Variants in KALRN observed in about 807,000 individuals in gnomAD.
KALRN encodes the protein kalirin RhoGEF kinase, also known as kalirin.
A neutral mutation model predicts 353.7 loss-of-function variants in KALRN; 70 were observed. The observed-to-expected ratio is 0.20, with a 90% CI of 0.16 to 0.24. The LOEUF (loss-of-function observed/expected upper bound fraction) is 0.24. KALRN is among the 10% of genes least tolerant of loss of function. The probability of loss-of-function intolerance (pLI) is 1.00; values close to 1 mark genes in which losing one functional copy is unlikely to be tolerated. For missense variants in KALRN, 2,791 were observed against 3,756.7 expected, an observed-to-expected ratio of 0.74 and a Z score of 6.72; for synonymous variants, 1,391 against 1,434.8, an observed-to-expected ratio of 0.97 and a Z score of 0.69.
At chr3:124,502,607 C>T (rs2064725606) in intron 33 of KALRN, among the ~76,000 whole-genome samples, 1 of 152,206 alleles carries the variant, frequency 6.6e-6, no homozygotes, top group African/African-American at 2.4e-5. Context: ...ACCTCCATCT[C>T]CTCATCTGTG....
At chr3:124,196,139 G>A (rs1469385880) in intron 1 of KALRN, among the ~76,000 whole-genome samples, 1 of 152,166 alleles carries the variant, frequency 6.6e-6, no homozygotes, top group African/African-American at 2.4e-5. Flanking sequence ...TCTGATTATT[G>A]TGGCCAAAGC....
intron 1 of KALRN, among the ~76,000 whole-genome samples, chr3:124,049,943 G>A (rs2040868375): frequency 6.6e-6 from 1 of 152,108 alleles, no homozygotes; most frequent in South Asian, 2.1e-4. Context: ...CTTTTTTCTG[G>A]ATTAATCTCT....
chr3:124,124,735 C>T (rs149898476), intron 1 of KALRN, among the ~76,000 whole-genome samples: 306 of 152,274 alleles, frequency 2.0e-3, no homozygotes, highest in African/African-American at 6.3e-3. Flanking sequence ...GACCCTCCAC[C>T]GGTAAAAAGA....
At chr3:124,230,166 T>G (rs2078990025) in intron 2 of KALRN, among the ~76,000 whole-genome samples, 1 of 152,176 alleles carries the variant, frequency 6.6e-6, no homozygotes, top group Admixed American at 6.5e-5. Flanking sequence ...GAGCCCAATC[T>G]TATCTTTTCT....
rs1266903697 is a variant in KALRN, at chr3:124,334,206, C to T, written c.1417-59C>T. ...ACCCTCAGGCAGACACTTCCTGCTT[C>T]TCTCTGTGCCCTGCCTATCACCCTT... On this transcript the variant is annotated intron_variant, in intron 8 of 59. Transcript: ENST00000682506. The surrounding 1 kb of genome is among the most constrained non-coding windows in gnomAD (Gnocchi z 4.2). 7.0e-6 allele frequency: 10 copies of T among 1,427,772 alleles called. No homozygotes were observed. Among genetic ancestry groups the T allele is most frequent in the Non-Finnish European group, 9.9e-6 (10 of 1,013,330 alleles). 88.4% of individuals were successfully genotyped at this position (1,427,772 alleles called of 1,614,324 possible).
intron 51 of KALRN, among the ~76,000 whole-genome samples, chr3:124,683,874 G>T (rs1211190616): frequency 6.6e-6 from 1 of 152,190 alleles, no homozygotes; most frequent in East Asian, 1.9e-4. Flanking sequence ...TTCCCCATTG[G>T]AGTAAGAATC....
intron 1 of KALRN, among the ~76,000 whole-genome samples, chr3:124,046,132 T>A (rs2040455808): frequency 6.6e-6 from 1 of 152,196 alleles, no homozygotes; most frequent in African/African-American, 2.4e-5. Context: ...AATTCAAAAA[T>A]TTTAAAAGGT....
At chr3:124,507,050 T>A (rs1043668532) in intron 33 of KALRN, among the ~76,000 whole-genome samples, 1 of 152,182 alleles carries the variant, frequency 6.6e-6, no homozygotes, top group African/African-American at 2.4e-5. Context: ...AGCCTGAATA[T>A]GCCCAATTTT....
chr3:124,554,145 C>T (rs1264468692), intron 33 of KALRN, among the ~76,000 whole-genome samples: 1 of 152,202 alleles, frequency 6.6e-6, no homozygotes, highest in African/African-American at 2.4e-5. Context: ...CACTTCAGCC[C>T]AGGAGTTCGA....
chr3:124,380,847 A>G (rs1224461774), intron 10 of KALRN, among the ~76,000 whole-genome samples: 1 of 152,250 alleles, frequency 6.6e-6, no homozygotes, highest in Admixed American at 6.5e-5. Context: ...AAAATTGAAC[A>G]TTGAACATGA....
chr3:124,389,296 A>G (rs917877620), intron 11 of KALRN, among the ~76,000 whole-genome samples: 3 of 152,194 alleles, frequency 2.0e-5, no homozygotes, highest in Admixed American at 2.0e-4. Flanking sequence ...ATCCACCTTT[A>G]TAAATGATTT....
chr3:124,445,939 C>G (rs898162894), intron 19 of KALRN, among the ~76,000 whole-genome samples: 2 of 152,246 alleles, frequency 1.3e-5, no homozygotes, highest in Non-Finnish European at 2.9e-5. Context: ...TGATGGAACT[C>G]TCATCAATGG....
At chr3:124,131,473 A>G (rs2065268643) in intron 1 of KALRN, among the ~76,000 whole-genome samples, 1 of 152,222 alleles carries the variant, frequency 6.6e-6, no homozygotes. Flanking sequence ...AAAACATTAA[A>G]AGGGCCACCC....
chr3:124,175,738 A>G lies in KALRN; in HGVS notation c.74-52252A>G, dbSNP rs767268824. Among the ~76,000 whole-genome samples the G allele has an allele frequency of 2.6e-5, 4 of 152,344 alleles. No homozygotes were observed. In the Middle Eastern group the frequency reaches 0.014, roughly 518 times the overall value. On this transcript the variant is annotated intron_variant, in intron 1 of 59. Coordinates refer to ENST00000682506, the MANE Select transcript of KALRN (RefSeq NM_001388419.1). ...CAGGATGTGGAAGTGTGTACAGCCA[A>G]GTGTCCAGGCCTGTTCTCCAGGCCC...
At chr3:124,147,705 G>A (rs59914802) in intron 1 of KALRN, among the ~76,000 whole-genome samples, 1,678 of 152,212 alleles carry the variant, frequency 0.011, 35 homozygotes, top group African/African-American at 0.038. Context: ...CCCATATTCT[G>A]AGAATCACAT....
chr3:124,295,017 A>G (rs569631927), intron 5 of KALRN, among the ~76,000 whole-genome samples: 19 of 152,210 alleles, frequency 1.2e-4, no homozygotes, highest in Non-Finnish European at 2.4e-4. Context: ...GACTGTATGT[A>G]TACATGCACA....
intron 34 of KALRN, among the ~76,000 whole-genome samples, chr3:124,613,533 A>G (rs934324087): frequency 4.6e-5 from 7 of 152,228 alleles, no homozygotes; most frequent in African/African-American, 1.7e-4. Flanking sequence ...TCTGGTCCCA[A>G]TTATGCAAAT....
intron 10 of KALRN, among the ~76,000 whole-genome samples, chr3:124,376,492 C>G (rs1331557313): frequency 6.6e-6 from 1 of 152,186 alleles, no homozygotes; most frequent in African/African-American, 2.4e-5. Context: ...CAGAATTCAT[C>G]CCCTTCCCCA....
intron 57 of KALRN, among the ~76,000 whole-genome samples, chr3:124,704,298 G>A (rs1285835174): frequency 1.3e-5 from 2 of 152,140 alleles, no homozygotes; most frequent in Non-Finnish European, 2.9e-5. Context: ...CCTCCTGGAG[G>A]CATGTGTTTG....
Sources: gnomAD v4.1 joint callset for allele counts (sites outside exome capture counted in the v4.1 genomes callset) on GRCh38, gnomAD v4.1.1 for gene constraint, Gnocchi (gnomAD v3.1) non-coding constraint, MANE v1.5 for transcripts, NCBI Gene and HGNC (gene_info 2026-07-23, HGNC 2026-07-21) for gene names.